VEZT: variants seen among roughly 807,000 people sequenced by gnomAD.
The protein encoded by VEZT is vezatin.
VEZT carries 39 observed loss-of-function variants against 79.9 expected under a neutral mutation model. That is an observed-to-expected ratio of 0.49 (90% CI 0.38 to 0.64). The LOEUF is 0.64. Ranked by LOEUF, VEZT falls within the 30% of genes least tolerant of loss-of-function variation. The probability of loss-of-function intolerance (pLI) is 0.00; values close to 1 mark genes in which losing one functional copy is unlikely to be tolerated. For synonymous variants in VEZT, 325 were observed against 327.6 expected, an observed-to-expected ratio of 0.99 and a Z score of 0.09; for missense variants, 837 against 893.1, an observed-to-expected ratio of 0.94 and a Z score of 0.80.
At chr12:95,266,722 A>G (rs2065611103) in intron 5 of VEZT, 90 bp downstream of exon 5, 1 of 1,336,006 alleles carries the variant, frequency 7.5e-7, no homozygotes, top group Non-Finnish European at 9.9e-7. Flanking sequence ...TCTATGTTGC[A>G]TTTATAGGAA....
chr12:95,296,331 T>C, intron 11 of VEZT, 73 bp downstream of exon 11: 13 of 1,410,266 alleles, frequency 9.2e-6, no homozygotes, highest in Non-Finnish European at 1.2e-5. Context: ...ATGAATGTTA[T>C]TTTAGCTGAA....
intron 1 of VEZT, among the ~76,000 whole-genome samples, chr12:95,240,046 AAGGAAGGAAGGAAGGAAGGAAGG>A (rs1566040404): frequency 0.015 from 1,912 of 123,646 alleles, 50 homozygotes; most frequent in African/African-American, 0.049. Context: ...GGAAGGAAGG[AAGGAAGGAAGGAAGGAAGGAAGG>A]AAGGAAGAAA....
In VEZT at chr12:95,217,882, T is replaced by C. The variant is rs199523699; in HGVS notation, c.32T>C (p.Phe11Ser). 1.3e-5 allele frequency: 20 copies of C among 1,522,772 alleles called. No individual in the cohort carries two copies. Among genetic ancestry groups the C allele is most frequent in the African/African-American group, 1.5e-5 (1 of 68,716 alleles). 94.3% of individuals were successfully genotyped at this position (1,522,772 alleles called of 1,614,324 possible). The change falls in exon 1 of 12, where the codon TTT (phenylalanine) becomes TCT (serine). Residue 11 changes from phenylalanine (F) to serine (S), a missense_variant. Coordinates refer to ENST00000436874, the MANE Select transcript of VEZT (RefSeq NM_017599.4). ...CCGGAGTTTGACGAAGAGGTGGTTT[T>C]TGAGGTAAGAGGAAAATGGCGGTGG... Reference protein sequence around the residue: MTPEFDEEVVFENSPLYQYLQ... With the variant: MTPEFDEEVVSENSPLYQYLQ...
intron 1 of VEZT, among the ~76,000 whole-genome samples, chr12:95,241,850 T>G (rs948066223): frequency 4.6e-5 from 7 of 152,204 alleles, no homozygotes; most frequent in African/African-American, 1.7e-4. Context: ...AAAGAAAATG[T>G]GAATAATTCA....
chr12:95,298,119 C>CAAA (rs1434646136), intron 11 of VEZT, among the ~76,000 whole-genome samples: 70 of 149,700 alleles, frequency 4.7e-4, no homozygotes, highest in African/African-American at 1.4e-3. Context: ...GACTCTCTCT[C>CAAA]AAAAAATAAT....
At chr12:95,271,129 T>C (rs1392835286) in intron 6 of VEZT, among the ~76,000 whole-genome samples, 1 of 152,176 alleles carries the variant, frequency 6.6e-6, no homozygotes, top group Non-Finnish European at 1.5e-5. Context: ...ATGGATGAAG[T>C]TGTGTCTTGA....
chr12:95,289,307 C>G (rs1008867355), intron 9 of VEZT, among the ~76,000 whole-genome samples: 22 of 146,976 alleles, frequency 1.5e-4, no homozygotes, highest in African/African-American at 5.5e-4. Flanking sequence ...GTCACAGCTA[C>G]TCGGGAGGCT....
intron 1 of VEZT, among the ~76,000 whole-genome samples, chr12:95,227,636 C>T (rs113890685): frequency 0.014 from 2,055 of 152,020 alleles, 34 homozygotes; most frequent in East Asian, 0.063. Context: ...CCACCATGCC[C>T]GGCCAATTTT....
intron 1 of VEZT, among the ~76,000 whole-genome samples, chr12:95,229,551 G>A (rs1166448067): frequency 6.6e-6 from 1 of 152,202 alleles, no homozygotes; most frequent in East Asian, 1.9e-4. Flanking sequence ...CTAGGGGATC[G>A]GAAACTATCT....
At chr12:95,231,186 G>A (rs2059227717) in intron 1 of VEZT, among the ~76,000 whole-genome samples, 1 of 152,138 alleles carries the variant, frequency 6.6e-6, no homozygotes, top group Admixed American at 6.5e-5. Context: ...CTTAATATAT[G>A]TGTCTTACTT....
In VEZT at chr12:95,251,806, C is replaced by A. The variant is rs1593432379; in HGVS notation, c.37-134C>A. 12 of 647,978 alleles carry A rather than the reference C, an allele frequency of 1.9e-5. No individual in the cohort carries two copies. The East Asian group carries it at 3.5e-4, about 19-fold the overall frequency. The allele number at this position is 647,978 out of a possible 1,614,324, so 40.1% of individuals were successfully genotyped here. A position where few individuals can be genotyped will look rare whatever the true frequency, so the allele number is the denominator to read the frequency against. ...TGGCATTGTATTATAACAGATAATT[C>A]AGTTCTTATAGAAGAAGCCTTAAAG... On this transcript the variant is annotated intron_variant, in intron 1 of 11. Transcript: ENST00000436874.
intron 5 of VEZT, among the ~76,000 whole-genome samples, chr12:95,268,217 C>T (rs1292059505): frequency 1.3e-5 from 2 of 152,068 alleles, no homozygotes; most frequent in African/African-American, 2.4e-5. Context: ...TATTTCCGGC[C>T]GGGCACGGTG....
intron 11 of VEZT, among the ~76,000 whole-genome samples, chr12:95,297,192 G>A (rs938582008): frequency 9.9e-5 from 15 of 152,192 alleles, no homozygotes; most frequent in African/African-American, 3.6e-4. Flanking sequence ...AGACAGGGAA[G>A]GAATCAGGGG....
intron 4 of VEZT, among the ~76,000 whole-genome samples, chr12:95,263,443 A>G (rs1179483618): frequency 6.6e-6 from 1 of 152,196 alleles, no homozygotes; most frequent in East Asian, 1.9e-4. Flanking sequence ...TAAGGCCAAG[A>G]GTTTGAGACC....
At chr12:95,277,180 AT>A (rs5800198) in intron 7 of VEZT, among the ~76,000 whole-genome samples, 16,507 of 152,152 alleles carry the variant, frequency 0.11, 1,011 homozygotes, top group African/African-American at 0.17. Flanking sequence ...TGAATTTGTA[AT>A]TCCCCTTCTA....
At chr12:95,269,855 C>T in intron 5 of VEZT, 196 bp from the exon 6 acceptor site, 2 of 475,866 alleles carry the variant, frequency 4.2e-6, no homozygotes, top group Non-Finnish European at 7.1e-6. Flanking sequence ...TCTATATATA[C>T]ATATATATAT....
In VEZT at chr12:95,256,145, G is replaced by A. The variant is rs182742947; in HGVS notation, c.169-1005G>A. Among the ~76,000 whole-genome samples the A allele has an allele frequency of 2.3e-3, 352 of 151,996 alleles. 1 individual carries two copies. Among genetic ancestry groups the A allele is most frequent in the African/African-American group, 7.0e-3 (290 of 41,432 alleles). On this transcript the variant is annotated intron_variant, in intron 2 of 11. Transcript: ENST00000436874. ...CGGCTCACCACAACCTCTGCCTCCCGGGTTCAAGTGATTCGCCTGCCTCAG... is the reference window on the plus strand; with the variant it reads ...CGGCTCACCACAACCTCTGCCTCCCAGGTTCAAGTGATTCGCCTGCCTCAG...
intron 8 of VEZT, among the ~76,000 whole-genome samples, chr12:95,284,361 G>A (rs2070020697): frequency 6.6e-6 from 1 of 151,932 alleles, no homozygotes; most frequent in Non-Finnish European, 1.5e-5. Context: ...GTTCTTTGCT[G>A]TTCCCACTCT....
chr12:95,235,265 G>A (rs886079856), intron 1 of VEZT, among the ~76,000 whole-genome samples: 4 of 89,892 alleles, frequency 4.4e-5, no homozygotes, highest in Admixed American at 9.7e-5. Context: ...CTCCCGGACA[G>A]GGCGGCTGGC....
Sources: allele counts gnomAD v4.1 joint callset (sites outside exome capture counted in the v4.1 genomes callset), GRCh38; gene constraint gnomAD v4.1.1; transcripts MANE v1.5; gene names NCBI Gene and HGNC (gene_info 2026-07-23, HGNC 2026-07-21).